ABCC8: variants seen among roughly 807,000 people sequenced by gnomAD.
The protein encoded by ABCC8 is ATP binding cassette subfamily C member 8.
Under a neutral mutation model 188.0 loss-of-function variants are expected in ABCC8, and 137 were observed. The observed-to-expected ratio is 0.73, with a 90% confidence interval of 0.63 to 0.84. ABCC8 has a LOEUF of 0.84. Among genes scored for constraint, ABCC8 ranks in the 40% least tolerant of loss-of-function variants. ABCC8 has a pLI of 0.00. For synonymous variants in ABCC8, 797 were observed against 846.5 expected (o/e 0.94, Z 1.01); for missense variants, 1,750 against 2,072.7 (o/e 0.84, Z 3.02).
At chr11:17,415,174 C>A in intron 18 of ABCC8, 130 bp downstream of exon 18, 13 of 1,318,390 alleles carry the variant, frequency 9.9e-6, no homozygotes, top group African/African-American at 1.5e-5. Context: ...GCACAGGGGC[C>A]CTCCCTGGCC....
chr11:17,446,809 T>G (rs1345929787), intron 8 of ABCC8, among the ~76,000 whole-genome samples: 2 of 152,050 alleles, frequency 1.3e-5, no homozygotes, highest in South Asian at 2.1e-4. Flanking sequence ...GCCTCTCCCC[T>G]TTTTTTCTTT....
At chr11:17,421,526 C>T (rs561957047) in intron 16 of ABCC8, among the ~76,000 whole-genome samples, 49 of 152,278 alleles carry the variant, frequency 3.2e-4, no homozygotes, top group African/African-American at 1.2e-3. Context: ...AATATGGTCC[C>T]TGTCCCCAGG....
chr11:17,393,314 C>A, intron 38 of ABCC8, 186 bp from the exon 39 acceptor site: 1 of 799,514 alleles, frequency 1.3e-6, no homozygotes, highest in Non-Finnish European at 2.0e-6. Context: ...TCTGCTAATA[C>A]CACCCTTCTC....
intron 16 of ABCC8, among the ~76,000 whole-genome samples, chr11:17,417,361 G>A (rs774087324): frequency 2.6e-5 from 4 of 152,076 alleles, no homozygotes; most frequent in Non-Finnish European, 5.9e-5. Context: ...GGCGGCAAGT[G>A]CATTTGAGGA....
At chr11:17,428,433 ACTGGG>A in intron 13 of ABCC8, 28 bp from the exon 14 acceptor site, 1 of 1,609,228 alleles carries the variant, frequency 6.2e-7, no homozygotes, top group Non-Finnish European at 8.5e-7. Flanking sequence ...GTGAGGACCC[ACTGGG>A]CTGGGAGCTG....
chr11:17,395,370 T>C, intron 35 of ABCC8, 95 bp from the exon 36 acceptor site: 1 of 1,544,686 alleles, frequency 6.5e-7, no homozygotes, highest in Non-Finnish European at 8.7e-7. Context: ...GCAGACTGAG[T>C]TGGAGGTCTG....
At chr11:17,453,400 G>A in intron 6 of ABCC8, 117 bp from the exon 7 acceptor site, 1 of 1,400,728 alleles carries the variant, frequency 7.1e-7, no homozygotes, top group East Asian at 2.5e-5. Flanking sequence ...CTCTGGGCTT[G>A]CAAAGGCTTG....
intron 31 of ABCC8, 163 bp downstream of exon 31, chr11:17,397,507 TCTGGGGCCTGGGCC>T (rs760421019): frequency 2.1e-6 from 3 of 1,409,796 alleles, no homozygotes; most frequent in South Asian, 1.3e-5. Context: ...CCTCCACCTG[TCTGGGGCCTGGGCC>T]CTGGGGCCTG....
chr11:17,408,952 CTTTTT>C (rs376681171), intron 22 of ABCC8, among the ~76,000 whole-genome samples: 1 of 125,818 alleles, frequency 7.9e-6, no homozygotes, highest in African/African-American at 2.9e-5. Flanking sequence ...ATCAATAAAT[CTTTTT>C]TTTTTTTTTT....
chr11:17,462,297 G>C (rs1297106462), intron 4 of ABCC8, among the ~76,000 whole-genome samples: 1 of 152,212 alleles, frequency 6.6e-6, no homozygotes, highest in Non-Finnish European at 1.5e-5. Context: ...CAGGGTTCCT[G>C]TGAGGGTCAC....
rs769734102 is a variant in ABCC8, at chr11:17,410,646, G to T, written c.2564C>A (p.Pro855His). 1.2e-6 allele frequency: 2 copies of T among 1,614,108 alleles called. No homozygotes were observed. The highest frequency in any genetic ancestry group is 2.2e-5 in the South Asian group (2 of 91,068). ...QHANVVFLDD[P>H]FSALDIHLSD... ...CAGATGGATATCCAGAGCTGAGAAG[G>T]GGTCATCCTGGGCAGAAGGGAGAGG... Residue 855 changes from proline (P) to histidine (H), a missense_variant, in exon 22 of 39, where the codon CCC becomes CAC. Transcript: ENST00000389817.
chr11:17,420,990 C>A (rs1310576930), intron 16 of ABCC8, among the ~76,000 whole-genome samples: 2 of 152,224 alleles, frequency 1.3e-5, no homozygotes, highest in African/African-American at 4.8e-5. Flanking sequence ...CCACACAGTT[C>A]TCTCTGAGAC....
rs780203710 is a variant in ABCC8 at position 17,427,170 on chromosome 11, G to A, written c.2117-16C>T. The A allele has an allele frequency of 1.2e-5, 20 of 1,607,390 alleles. No homozygotes were observed. In the Admixed American group the frequency reaches 1.8e-4, roughly 15 times the overall value. ...GTCAGCTGGCCTGCAGGGAGGGAGG[G>A]TGGCAGATGTGAGTGGGGCCGGGGG... is the stretch of plus-strand genomic sequence containing the variant. On this transcript the variant is annotated splice_polypyrimidine_tract_variant and intron_variant, in intron 15 of 38. Coordinates refer to ENST00000389817, the MANE Select transcript of ABCC8 (RefSeq NM_000352.6). The surrounding 1 kb of genome is among the most constrained non-coding windows in gnomAD (Gnocchi z 5.0).
chr11:17,411,131 T>A (rs1954785410), intron 21 of ABCC8, among the ~76,000 whole-genome samples: 1 of 152,290 alleles, frequency 6.6e-6, no homozygotes, highest in Middle Eastern at 3.4e-3. Flanking sequence ...TTCGCTCACC[T>A]AAGCACCAGT....
At chr11:17,463,636 G>C in intron 3 of ABCC8, 32 bp from the exon 4 acceptor site, 1 of 1,557,464 alleles carries the variant, frequency 6.4e-7, no homozygotes, top group Non-Finnish European at 8.7e-7. Context: ...TCGCAGAGAC[G>C]TGTGTGCATC....
At chr11:17,434,982 C>CGTGTGTGTGT (rs1491382729) in intron 10 of ABCC8, among the ~76,000 whole-genome samples, 3 of 62,688 alleles carry the variant, frequency 4.8e-5, no homozygotes, top group African/African-American at 1.5e-4. Flanking sequence ...TGCGTGTGTT[C>CGTGTGTGTGT]GCGTGTGTGT....
chr11:17,455,672 T>C (rs1956965646), intron 6 of ABCC8, among the ~76,000 whole-genome samples: 1 of 152,032 alleles, frequency 6.6e-6, no homozygotes, highest in Admixed American at 6.5e-5. Flanking sequence ...GCGTGGTGGG[T>C]CATGCCTGTA....
At chr11:17,433,264 C>G (rs1440462935) in intron 10 of ABCC8, among the ~76,000 whole-genome samples, 1 of 152,244 alleles carries the variant, frequency 6.6e-6, no homozygotes, top group Admixed American at 6.5e-5. Context: ...CAAGGATCCC[C>G]TTCCAGGGCA....
chr11:17,396,581 C>T (rs764463379), intron 33 of ABCC8: 1 of 368,980 alleles, frequency 2.7e-6, no homozygotes. Context: ...AGGTCCCTGC[C>T]CTGAAGCTCG....
Sources: allele counts gnomAD v4.1 joint callset (sites outside exome capture counted in the v4.1 genomes callset), GRCh38; gene constraint gnomAD v4.1.1; non-coding constraint Gnocchi (gnomAD v3.1); transcripts MANE v1.5; gene names NCBI Gene and HGNC (gene_info 2026-07-23, HGNC 2026-07-21).